KCTD16: variants seen among roughly 807,000 people sequenced by gnomAD.
KCTD16 encodes the protein BTB/POZ domain-containing protein KCTD16.
A neutral mutation model predicts 33.2 loss-of-function variants in KCTD16; 13 were observed. The ratio of observed to expected loss-of-function variants is 0.39; its 90% CI spans 0.25 to 0.62. The LOEUF (loss-of-function observed/expected upper bound fraction) is 0.62. Among genes scored for constraint, KCTD16 ranks in the 20% least tolerant of loss-of-function variants. The pLI, the probability that KCTD16 is intolerant of heterozygous loss-of-function variation, is 0.50. For synonymous variants in KCTD16, 197 were observed against 195.3 expected, an observed-to-expected ratio of 1.01 and a Z score of -0.07; for missense variants, 441 against 525.1, an observed-to-expected ratio of 0.84 and a Z score of 1.57.
chr5:144,446,379 T>C (rs1284478813), intron 3 of KCTD16, among the ~76,000 whole-genome samples: 1 of 152,064 alleles, frequency 6.6e-6, no homozygotes, highest in Non-Finnish European at 1.5e-5. Context: ...CTGGACCCCT[T>C]CTTTACACCT....
intron 3 of KCTD16, among the ~76,000 whole-genome samples, chr5:144,383,761 A>G (rs1309551789): frequency 6.6e-6 from 1 of 152,078 alleles, no homozygotes; most frequent in Admixed American, 6.6e-5. Context: ...TTTAAAATGC[A>G]TTATCATGAC....
intron 3 of KCTD16, among the ~76,000 whole-genome samples, chr5:144,414,321 C>A (rs1326514078): frequency 6.6e-6 from 1 of 152,130 alleles, no homozygotes; most frequent in Admixed American, 6.5e-5. Context: ...CCTCAGAACC[C>A]AAACAGGTTG....
chr5:144,193,795 G>A (rs974739552), intron 2 of KCTD16, among the ~76,000 whole-genome samples: 14 of 152,102 alleles, frequency 9.2e-5, no homozygotes, highest in Non-Finnish European at 1.5e-4. Flanking sequence ...AAATGGAAGC[G>A]AAGAGAAGAG....
intron 3 of KCTD16, among the ~76,000 whole-genome samples, chr5:144,276,543 A>G (rs1195469185): frequency 6.6e-6 from 1 of 152,204 alleles, no homozygotes; most frequent in Non-Finnish European, 1.5e-5. Context: ...TCTGGCAGAG[A>G]CCTAGAAACA....
At chr5:144,406,588 G>GA (rs1752813678) in intron 3 of KCTD16, among the ~76,000 whole-genome samples, 1 of 152,104 alleles carries the variant, frequency 6.6e-6, no homozygotes, top group Admixed American at 6.5e-5. Flanking sequence ...AGATGCACCG[G>GA]TTATGGTTTA....
At chr5:144,227,016 G>A (rs2126809222) in intron 3 of KCTD16, among the ~76,000 whole-genome samples, 1 of 152,222 alleles carries the variant, frequency 6.6e-6, no homozygotes, top group Admixed American at 6.5e-5. Context: ...AGTGTTCTAG[G>A]CATTGAGGAG....
chr5:144,463,639 C>T (rs1754253661), intron 3 of KCTD16, among the ~76,000 whole-genome samples: 3 of 152,178 alleles, frequency 2.0e-5, no homozygotes, highest in Non-Finnish European at 2.9e-5. Flanking sequence ...TGTGGAAATT[C>T]TGGGGTCACA....
chr5:144,205,665 T>C (rs1753148361), intron 2 of KCTD16: 1 of 398,416 alleles, frequency 2.5e-6, no homozygotes, highest in African/African-American at 2.1e-5. Context: ...AAGGATCCTT[T>C]CCAAAGATTT....
chr5:144,310,145 T>C (rs548242947), intron 3 of KCTD16, among the ~76,000 whole-genome samples: 96 of 152,260 alleles, frequency 6.3e-4, no homozygotes, highest in African/African-American at 2.3e-3. Flanking sequence ...AATGAGAATA[T>C]GCAAAGTTTG....
chr5:144,198,016 G>A (rs562918851), intron 2 of KCTD16, among the ~76,000 whole-genome samples: 7 of 152,098 alleles, frequency 4.6e-5, no homozygotes, highest in South Asian at 2.1e-4. Context: ...ACCCCACATC[G>A]AAGACATGAA....
Position 144,348,231 on chromosome 5 carries a change from T to G in KCTD16, c.833-125429T>G, listed in dbSNP as rs1314895196. On this transcript the variant is annotated intron_variant, in intron 3 of 3. Coordinates refer to ENST00000512467, the MANE Select transcript of KCTD16 (RefSeq NM_020768.4). The stretch of plus-strand genomic sequence containing the variant: ...CCACAAGGCATATATGTGTTTCTAT[T>G]TCTAGTGTTATCTGTCTACAGCACC... Among the ~76,000 whole-genome samples the G allele has an allele frequency of 2.0e-5, 3 of 152,194 alleles. No individual in the cohort carries two copies. The East Asian group carries it at 5.8e-4, about 29-fold the overall frequency.
intron 2 of KCTD16, among the ~76,000 whole-genome samples, chr5:144,176,974 G>T (rs990204924): frequency 6.6e-6 from 1 of 152,086 alleles, no homozygotes; most frequent in Non-Finnish European, 1.5e-5. Flanking sequence ...CTTTGTAAAT[G>T]TTTTCTCTTA....
At chr5:144,220,802 G>A (rs1451825122) in intron 3 of KCTD16, among the ~76,000 whole-genome samples, 2 of 152,082 alleles carry the variant, frequency 1.3e-5, no homozygotes, top group East Asian at 1.9e-4. Context: ...TTAGCCGGGC[G>A]TGGTGGCGGG....
chr5:144,433,868 T>C (rs900833621), intron 3 of KCTD16, among the ~76,000 whole-genome samples: 2 of 152,190 alleles, frequency 1.3e-5, no homozygotes, highest in Non-Finnish European at 2.9e-5. Context: ...CTTTTGTTGT[T>C]GTTATAGTCA....
At chr5:144,465,601 C>T (rs987123258) in intron 3 of KCTD16, among the ~76,000 whole-genome samples, 4 of 151,408 alleles carry the variant, frequency 2.6e-5, no homozygotes, top group African/African-American at 7.3e-5. Flanking sequence ...TCTGCATGAG[C>T]ATCCTGATTG....
intron 2 of KCTD16, among the ~76,000 whole-genome samples, chr5:144,187,650 G>C (rs768833711): frequency 7.9e-5 from 12 of 152,076 alleles, no homozygotes; most frequent in Non-Finnish European, 1.8e-4. Context: ...CTTCTTAATT[G>C]CTTAATTGTT....
chr5:144,417,987 C>T (rs1296282008), intron 3 of KCTD16, among the ~76,000 whole-genome samples: 1 of 152,060 alleles, frequency 6.6e-6, no homozygotes, highest in Non-Finnish European at 1.5e-5. Context: ...TCAGAAGTGT[C>T]CAGAGTTTCT....
At chr5:144,473,008 C>G (rs1262155427) in intron 3 of KCTD16, among the ~76,000 whole-genome samples, 1 of 152,176 alleles carries the variant, frequency 6.6e-6, no homozygotes, top group Non-Finnish European at 1.5e-5. Flanking sequence ...CTCTTAGGGT[C>G]TTAGTTTCCT....
intron 3 of KCTD16, among the ~76,000 whole-genome samples, chr5:144,257,575 G>A (rs1347673365): frequency 2.0e-5 from 3 of 151,870 alleles, no homozygotes; most frequent in South Asian, 2.1e-4. Context: ...TGCAAGCTCC[G>A]CCTCCTGGGT....
Sources: gnomAD v4.1 joint callset for allele counts (sites outside exome capture counted in the v4.1 genomes callset) on GRCh38, gnomAD v4.1.1 for gene constraint, MANE v1.5 for transcripts, NCBI Gene and HGNC (gene_info 2026-07-23, HGNC 2026-07-21) for gene names.